SLC22A2: variants seen among roughly 807,000 people sequenced by gnomAD.
SLC22A2 encodes the protein organic cation transporter 2.
Under a neutral mutation model 60.5 loss-of-function variants are expected in SLC22A2, and 46 were observed. That is an observed-to-expected ratio of 0.76 (90% CI 0.60 to 0.97). The LOEUF is 0.97. Among genes scored for constraint, SLC22A2 ranks in the 50% least tolerant of loss-of-function variants. SLC22A2 has a pLI of 0.00. For missense variants in SLC22A2, 701 were observed against 706.6 expected (o/e 0.99, Z 0.09); for synonymous variants, 303 against 267.0 (o/e 1.13, Z -1.31).
chr6:160,229,121 C>T (rs1327550822), intron 9 of SLC22A2, among the ~76,000 whole-genome samples: 1 of 151,848 alleles, frequency 6.6e-6, no homozygotes, highest in Non-Finnish European at 1.5e-5. Context: ...GCTCTTTGCT[C>T]TGTGAGAAAG....
rs183480801 is a variant in SLC22A2, at chr6:160,222,557, C to A, written c.1601+2148G>T. 2.6e-5 allele frequency among the ~76,000 whole-genome samples: 4 copies of A among 152,320 alleles called. No individual in the cohort carries two copies. In the East Asian group the frequency reaches 7.7e-4, roughly 29 times the overall value. ...TGTATGCCACGCACTGTGCTGAGTT[C>A]CAGTGATACAGCAGTAAACAGGATT... On this transcript the variant is annotated intron_variant, in intron 10 of 10. Transcript: ENST00000366953.
intron 6 of SLC22A2, 160 bp downstream of exon 6, chr6:160,245,279 A>C (rs943903124): frequency 4.9e-5 from 25 of 506,560 alleles, no homozygotes; most frequent in African/African-American, 4.7e-4. Context: ...ATATTTGCCC[A>C]AGAAAAACAC....
chr6:160,239,235 G>C (rs114370858), intron 9 of SLC22A2, among the ~76,000 whole-genome samples: 1,586 of 152,210 alleles, frequency 0.01, 37 homozygotes, highest in African/African-American at 0.037. Context: ...ACCCTATATA[G>C]TCTGAAAAGG....
intron 4 of SLC22A2, among the ~76,000 whole-genome samples, chr6:160,248,497 G>A (rs978218483): frequency 6.6e-6 from 1 of 152,184 alleles, no homozygotes; most frequent in Non-Finnish European, 1.5e-5. Context: ...TTAATTCTTA[G>A]GCAAGACAGC....
chr6:160,250,235 A>G (rs1193517285), intron 3 of SLC22A2, among the ~76,000 whole-genome samples: 1 of 152,134 alleles, frequency 6.6e-6, no homozygotes, highest in Non-Finnish European at 1.5e-5. Flanking sequence ...CTTCTTTATG[A>G]ATAGGTCTGG....
chr6:160,235,820 T>G (rs981969335), intron 9 of SLC22A2, among the ~76,000 whole-genome samples: 2 of 152,068 alleles, frequency 1.3e-5, no homozygotes, highest in African/African-American at 4.8e-5. Flanking sequence ...AGTACACTAA[T>G]GTAAAAGTGA....
intron 9 of SLC22A2, among the ~76,000 whole-genome samples, chr6:160,227,500 T>C (rs572697806): frequency 6.6e-6 from 1 of 152,234 alleles, no homozygotes; most frequent in African/African-American, 2.4e-5. Flanking sequence ...TTAATACGTA[T>C]AAAACCAAGC....
rs1186510402 is a variant in SLC22A2, at chr6:160,258,728, C to T, written c.30G>A (p.Glu10=). The T allele has an allele frequency of 1.3e-6, 2 of 1,578,722 alleles. No homozygotes were observed. The highest frequency in any genetic ancestry group is 1.2e-5 in the South Asian group (1 of 84,634). The change falls in exon 1 of 11, where the codon GAG becomes GAA. Residue 10 remains glutamate (E), a synonymous_variant. Transcript: ENST00000366953. ...GGAAAAAGTGAAACTCCCCTCCATG[C>T]TCCAGGACATCGTCCACGGTGGTGG... MPTTVDDVL[E]HGGEFHFFQK...
intron 2 of SLC22A2, among the ~76,000 whole-genome samples, chr6:160,251,385 A>G (rs983714086): frequency 2.0e-5 from 3 of 152,244 alleles, no homozygotes; most frequent in Non-Finnish European, 4.4e-5. Context: ...CCTACTTACT[A>G]TGATGTTGGG....
chr6:160,225,103 C>A (rs1353860913), intron 9 of SLC22A2, among the ~76,000 whole-genome samples: 9 of 152,010 alleles, frequency 5.9e-5, no homozygotes, highest in African/African-American at 1.2e-4. Context: ...AATAACTCTG[C>A]AAAAAATTAA....
intron 9 of SLC22A2, among the ~76,000 whole-genome samples, chr6:160,235,842 T>C (rs562000103): frequency 2.0e-5 from 3 of 152,152 alleles, no homozygotes; most frequent in Non-Finnish European, 4.4e-5. Flanking sequence ...ATTTGACTTA[T>C]GTAGTATAAA....
chr6:160,233,289 A>G (rs774951365), intron 9 of SLC22A2, among the ~76,000 whole-genome samples: 1 of 151,754 alleles, frequency 6.6e-6, no homozygotes, highest in African/African-American at 2.4e-5. Context: ...GTCAGACATA[A>G]TTCCTCGTTT....
chr6:160,219,407 A>G (rs1244646397), intron 10 of SLC22A2, among the ~76,000 whole-genome samples: 2 of 100,186 alleles, frequency 2.0e-5, no homozygotes, highest in African/African-American at 8.1e-5. Context: ...AACATCAGCC[A>G]CCGGTGAGTG....
At chr6:160,220,455 C>G (rs1338341331) in intron 10 of SLC22A2, among the ~76,000 whole-genome samples, 1 of 152,172 alleles carries the variant, frequency 6.6e-6, no homozygotes, top group African/African-American at 2.4e-5. Flanking sequence ...TCAACTTCTT[C>G]AAAACTCCCA....
At chr6:160,246,669 C>T (rs1006382350) in intron 5 of SLC22A2, among the ~76,000 whole-genome samples, 10 of 152,166 alleles carry the variant, frequency 6.6e-5, no homozygotes, top group Non-Finnish European at 1.5e-4. Flanking sequence ...ATCGCTTGAA[C>T]CTGGGAAGTG....
Position 160,216,770 on chromosome 6 carries a change from A to G in SLC22A2, c.*662T>C, listed in dbSNP as rs2114844776. On this transcript the variant is annotated 3_prime_UTR_variant, in exon 11 of 11. Coordinates refer to ENST00000366953, the MANE Select transcript of SLC22A2 (RefSeq NM_003058.4). ...TGATCATCAATGGTTTTATAATGCT[A>G]ACATTTTTTATTGAACTCTTCTCAA... The G allele has an allele frequency of 6.6e-6, 1 of 152,240 alleles. No individual in the cohort carries two copies. The highest frequency in any genetic ancestry group is 1.9e-4 in the East Asian group (1 of 5,190). The allele number at this position is 152,240 out of a possible 1,614,324, so 9.4% of individuals were successfully genotyped here. A position where few individuals can be genotyped will look rare whatever the true frequency, so the allele number is the denominator to read the frequency against.
chr6:160,250,543 C>T lies in SLC22A2; in HGVS notation c.673+5G>A. On this transcript the variant is annotated splice_donor_5th_base_variant and intron_variant, in intron 3 of 10. Coordinates refer to ENST00000366953, the MANE Select transcript of SLC22A2 (RefSeq NM_003058.4). ...TCTCACAGTTGCAAGCACAAACATT[C>T]TTACTCAGGATGTAGCCTATTAACC... 1 of 1,613,976 alleles carries T rather than the reference C, an allele frequency of 6.2e-7. No individual in the cohort carries two copies. Among genetic ancestry groups the T allele is most frequent in the Non-Finnish European group, 8.5e-7 (1 of 1,179,874 alleles).
chr6:160,217,428 C>A lies in SLC22A2; in HGVS notation c.*4G>T, dbSNP rs1336387352. On this transcript the variant is annotated 3_prime_UTR_variant, in exon 11 of 11. Transcript: ENST00000366953. ...GGTCATGACAGCAGCAACGGTCTCTCTTCTTAGTTCAATGGAATGTCTAGT... is the reference window on the plus strand; with the variant it reads ...GGTCATGACAGCAGCAACGGTCTCTATTCTTAGTTCAATGGAATGTCTAGT... 3 of 1,590,042 alleles carry A rather than the reference C, an allele frequency of 1.9e-6. No individual in the cohort carries two copies. Among genetic ancestry groups the A allele is most frequent in the Non-Finnish European group, 2.6e-6 (3 of 1,159,742 alleles).
At chr6:160,219,387 C>T (rs957365737) in intron 10 of SLC22A2, among the ~76,000 whole-genome samples, 1 of 152,016 alleles carries the variant, frequency 6.6e-6, no homozygotes, top group East Asian at 1.9e-4. Context: ...ACAACAGCAG[C>T]AGCAGCAACA....
Sources: gnomAD v4.1 joint callset for allele counts (sites outside exome capture counted in the v4.1 genomes callset) on GRCh38, gnomAD v4.1.1 for gene constraint, MANE v1.5 for transcripts, NCBI Gene and HGNC (gene_info 2026-07-23, HGNC 2026-07-21) for gene names.